Variants in DOCK2 observed in about 807,000 individuals in gnomAD.
The protein encoded by DOCK2 is dedicator of cytokinesis 2, also known as dedicator of cytokinesis protein 2.
Under a neutral mutation model 248.9 loss-of-function variants are expected in DOCK2, and 87 were observed. The observed-to-expected ratio is 0.35, with a 90% CI of 0.29 to 0.42. The LOEUF is 0.42. Ranked by LOEUF, DOCK2 falls within the 10% of genes least tolerant of loss-of-function variation. The pLI, the probability that DOCK2 is intolerant of heterozygous loss-of-function variation, is 1.00. For synonymous variants in DOCK2, 805 were observed against 821.6 expected (o/e 0.98, Z 0.35); for missense variants, 1,747 against 2,300.2 (o/e 0.76, Z 4.92).
intron 22 of DOCK2, among the ~76,000 whole-genome samples, chr5:169,744,091 C>T (rs937028693): frequency 1.3e-5 from 2 of 151,922 alleles, no homozygotes; most frequent in African/African-American, 4.8e-5. Context: ...AGATTGGATT[C>T]CCACTGGAGT....
chr5:169,945,199 T>G (rs1455566441), intron 27 of DOCK2, among the ~76,000 whole-genome samples: 1 of 152,254 alleles, frequency 6.6e-6, no homozygotes, highest in Non-Finnish European at 1.5e-5. Flanking sequence ...GTGCTGCAGC[T>G]GTATGAGCTT....
At chr5:169,637,455 C>T in intron 1 of DOCK2, 86 bp downstream of exon 1, 1 of 1,272,148 alleles carries the variant, frequency 7.9e-7, no homozygotes, top group Non-Finnish European at 9.9e-7. Flanking sequence ...GCCGGCGGCG[C>T]GGGGTGGGCA....
chr5:170,020,562 G>A (rs79814900), intron 33 of DOCK2, among the ~76,000 whole-genome samples: 10,125 of 152,252 alleles, frequency 0.067, 407 homozygotes, highest in Middle Eastern at 0.19. Flanking sequence ...CTACAACTCT[G>A]TGAAGTAGGT....
At chr5:169,728,090 T>C (rs1762583408) in intron 22 of DOCK2, among the ~76,000 whole-genome samples, 1 of 152,098 alleles carries the variant, frequency 6.6e-6, no homozygotes, top group Non-Finnish European at 1.5e-5. Context: ...ACTAATTGAA[T>C]GTAGGAATGG....
At chr5:169,824,388 G>C (rs1259006659) in intron 26 of DOCK2, among the ~76,000 whole-genome samples, 1 of 152,222 alleles carries the variant, frequency 6.6e-6, no homozygotes, top group Non-Finnish European at 1.5e-5. Flanking sequence ...CAAGGCTACA[G>C]TAACCAAAAC....
intron 22 of DOCK2, among the ~76,000 whole-genome samples, chr5:169,720,820 T>C (rs1581093499): frequency 6.6e-6 from 1 of 152,220 alleles, no homozygotes; most frequent in Admixed American, 6.5e-5. Context: ...GATCTCCGCC[T>C]CCCACCTTCA....
intron 23 of DOCK2, among the ~76,000 whole-genome samples, chr5:169,757,001 G>T (rs957084643): frequency 6.6e-6 from 1 of 151,874 alleles, no homozygotes; most frequent in Non-Finnish European, 1.5e-5. Flanking sequence ...TATCCCTTTA[G>T]ACTTCAGAGG....
chr5:169,681,219 G>A (rs1392684564), intron 6 of DOCK2, among the ~76,000 whole-genome samples: 4 of 147,244 alleles, frequency 2.7e-5, no homozygotes, highest in Non-Finnish European at 1.5e-5. Flanking sequence ...CGCCTCCCAG[G>A]TTCAAGAAAT....
intron 25 of DOCK2, among the ~76,000 whole-genome samples, chr5:169,798,630 A>G (rs1766791616): frequency 6.6e-6 from 1 of 152,204 alleles, no homozygotes; most frequent in South Asian, 2.1e-4. Flanking sequence ...CCTAAGATGT[A>G]AAGGTACTAA....
intron 34 of DOCK2, among the ~76,000 whole-genome samples, chr5:170,033,428 C>T (rs1756213671): frequency 6.6e-6 from 1 of 152,030 alleles, no homozygotes; most frequent in Non-Finnish European, 1.5e-5. Context: ...CTTTTCTTTC[C>T]TATTTTCCCA....
chr5:170,056,579 G>T (rs1045083536), intron 42 of DOCK2, 105 bp from the exon 43 acceptor site: 8 of 855,068 alleles, frequency 9.4e-6, no homozygotes, highest in Non-Finnish European at 1.1e-5. Flanking sequence ...ACTCTGCCAG[G>T]CCTGAAGTTT....
chr5:170,069,057 A>G, intron 45 of DOCK2, 80 bp from the exon 46 acceptor site: 1 of 1,310,524 alleles, frequency 7.6e-7, no homozygotes, highest in Admixed American at 1.9e-5. Context: ...TTCAAATTGA[A>G]TCTTCTCCCA....
intron 34 of DOCK2, among the ~76,000 whole-genome samples, chr5:170,033,266 T>C (rs1258213119): frequency 6.6e-6 from 1 of 152,234 alleles, no homozygotes; most frequent in Non-Finnish European, 1.5e-5. Flanking sequence ...TATATTGATG[T>C]CTTTCTCTCT....
chr5:170,026,017 C>T (rs948639840), intron 33 of DOCK2, among the ~76,000 whole-genome samples: 3 of 151,990 alleles, frequency 2.0e-5, no homozygotes, highest in African/African-American at 7.3e-5. Flanking sequence ...TTTTTCCAGG[C>T]CCGGTATATC....
chr5:169,676,166 T>A (rs1193550818), intron 6 of DOCK2, among the ~76,000 whole-genome samples: 3 of 152,206 alleles, frequency 2.0e-5, no homozygotes, highest in African/African-American at 7.2e-5. Flanking sequence ...TCCCTGATTT[T>A]CCACTACCCG....
At chr5:169,665,896 G>A (rs1056152875) in intron 2 of DOCK2, among the ~76,000 whole-genome samples, 2 of 152,150 alleles carry the variant, frequency 1.3e-5, no homozygotes, top group Non-Finnish European at 2.9e-5. Flanking sequence ...GACTCTAGAT[G>A]TATTTGATAT....
chr5:169,969,040 C>T (rs540008159), intron 27 of DOCK2, among the ~76,000 whole-genome samples: 1 of 152,270 alleles, frequency 6.6e-6, no homozygotes, highest in Non-Finnish European at 1.5e-5. Context: ...GTCGCAGCTT[C>T]TCTGGAGGCT....
At chr5:169,970,040 T>C (rs546316769) in intron 27 of DOCK2, among the ~76,000 whole-genome samples, 2 of 152,260 alleles carry the variant, frequency 1.3e-5, no homozygotes, top group African/African-American at 2.4e-5. Context: ...TGAGGATCTC[T>C]GGCTACAGTG....
intron 6 of DOCK2, among the ~76,000 whole-genome samples, chr5:169,678,198 A>G (rs969868751): frequency 6.6e-6 from 1 of 151,448 alleles, no homozygotes; most frequent in Non-Finnish European, 1.5e-5. Context: ...TTTCAAGGGT[A>G]TACTTAAGAC....
Sources: allele counts gnomAD v4.1 joint callset (sites outside exome capture counted in the v4.1 genomes callset), GRCh38; gene constraint gnomAD v4.1.1; transcripts MANE v1.5; gene names NCBI Gene and HGNC (gene_info 2026-07-23, HGNC 2026-07-21).